Variants in CPSF3 observed in about 807,000 individuals in gnomAD.
CPSF3 encodes the protein cleavage and polyadenylation specific factor 3, also known as cleavage and polyadenylation specificity factor subunit 3.
CPSF3 carries 57 observed loss-of-function variants against 84.1 expected under a neutral mutation model. The observed-to-expected ratio is 0.68, with a 90% CI of 0.55 to 0.85. The LOEUF (loss-of-function observed/expected upper bound fraction) is 0.85. CPSF3 is among the 40% of genes least tolerant of loss of function. CPSF3 has a pLI of 0.00. For missense variants in CPSF3, 522 were observed against 838.8 expected (o/e 0.62, Z 4.66); for synonymous variants, 275 against 278.1 (o/e 0.99, Z 0.11).
chr2:9,428,294 G>A (rs187390631), intron 1 of CPSF3, among the ~76,000 whole-genome samples: 2 of 152,140 alleles, frequency 1.3e-5, no homozygotes, highest in African/African-American at 2.4e-5. Context: ...ACCGCACCCG[G>A]CCATTTAAAT....
chr2:9,431,920 A>G (rs1277297162), intron 4 of CPSF3, among the ~76,000 whole-genome samples: 2 of 152,182 alleles, frequency 1.3e-5, no homozygotes, highest in Non-Finnish European at 2.9e-5. Flanking sequence ...CATTTTATAG[A>G]TGATGAAACT....
In CPSF3 at chr2:9,456,938, G is replaced by A; in HGVS notation, c.1609G>A (p.Val537Met). Residue 537 changes from valine to methionine, a missense_variant, in exon 14 of 18, where the codon GTG becomes ATG. This residue lies in a region of CPSF3 where 193 missense variants were observed against 231.6 expected (regional missense o/e 0.83). Coordinates refer to ENST00000238112, the MANE Select transcript of CPSF3 (RefSeq NM_016207.4). ...CYQLQKLTGDVEELEIQEKPA... is the reference protein window; with the variant it reads ...CYQLQKLTGDMEELEIQEKPA... ...TAGTTATGTCTTTCTTTCAGGTGAT[G>A]TGGAAGAATTAGAAATTCAAGAAAA... 6.4e-7 allele frequency: 1 copy of A among 1,570,110 alleles called. No homozygotes were observed. The highest frequency in any genetic ancestry group is 1.2e-5 in the South Asian group (1 of 86,792).
intron 10 of CPSF3, among the ~76,000 whole-genome samples, chr2:9,446,177 TG>T (rs537540536): frequency 2.9e-4 from 44 of 152,206 alleles, no homozygotes; most frequent in Non-Finnish European, 6.2e-4. Context: ...CAATCTATCT[TG>T]GCCGGGCTGC....
rs1387811158 is a variant in CPSF3, at chr2:9,435,636, T to C, written c.610-575T>C. Among the ~76,000 whole-genome samples, 5 of 152,236 alleles carry C rather than the reference T, an allele frequency of 3.3e-5. No homozygotes were observed. In the East Asian group the frequency reaches 9.7e-4, roughly 29 times the overall value. The stretch of plus-strand genomic sequence containing the variant: ...CGGGGTTTCATCCTGTTGGTCAGAC[T>C]GGACTCCTGACCTCAGGTGATCCAC... On this transcript the variant is annotated intron_variant, in intron 6 of 17. Transcript: ENST00000238112.
At position 9,423,782 on chromosome 2, in the gene CPSF3, G is replaced by A. The variant is rs550539759; in HGVS notation, c.9G>A (p.Ala3=). Residue 3 remains alanine (A), a synonymous_variant, in exon 1 of 18, where the codon GCG becomes GCA. Coordinates refer to ENST00000238112, the MANE Select transcript of CPSF3 (RefSeq NM_016207.4). MS[A]IPAEESDQLL... is the part of the protein sequence containing the mutation. ...GCCCTCACACTTTCGGGATGTCTGC[G>A]ATTCCTGCTGAGGAGAGCGACCAGC... 3.3e-5 allele frequency: 54 copies of A among 1,613,596 alleles called. 1 individual carries two copies. The South Asian group carries it at 5.3e-4, about 16-fold the overall frequency.
intron 5 of CPSF3, among the ~76,000 whole-genome samples, chr2:9,432,900 A>T (rs1353028560): frequency 6.6e-6 from 1 of 152,172 alleles, no homozygotes; most frequent in African/African-American, 2.4e-5. Context: ...AGGAAAAAAA[A>T]ATTTTTAAAG....
intron 16 of CPSF3, among the ~76,000 whole-genome samples, chr2:9,469,167 T>C (rs1682076910): frequency 6.6e-6 from 1 of 152,242 alleles, no homozygotes; most frequent in African/African-American, 2.4e-5. Flanking sequence ...TAACTCATTT[T>C]GCAGAGGGCT....
At chr2:9,461,698 ATC>A (rs1482282841) in intron 15 of CPSF3, among the ~76,000 whole-genome samples, 1 of 146,468 alleles carries the variant, frequency 6.8e-6, no homozygotes, top group African/African-American at 2.6e-5. Flanking sequence ...TGTCTTACTT[ATC>A]TTAGGTGGTA....
chr2:9,439,712 A>C (rs928307921), intron 7 of CPSF3, among the ~76,000 whole-genome samples: 2 of 152,052 alleles, frequency 1.3e-5, no homozygotes, highest in African/African-American at 4.8e-5. Flanking sequence ...AGCATGGCTG[A>C]GTGTGGTGAC....
chr2:9,440,453 TA>T lies in CPSF3; in HGVS notation c.761-36del, dbSNP rs754674985. ...TGTTATTTGAACTGTTTACCCCATCTAACAAAGTGATGTTTGTTTCTTGCAA... is the reference window on the plus strand; with the variant it reads ...TGTTATTTGAACTGTTTACCCCATCTACAAAGTGATGTTTGTTTCTTGCAA... On this transcript the variant is annotated intron_variant, in intron 7 of 17. Coordinates refer to ENST00000238112, the MANE Select transcript of CPSF3 (RefSeq NM_016207.4). The T allele has an allele frequency of 1.3e-5, 21 of 1,571,152 alleles. No homozygotes were observed. The East Asian group carries it at 3.4e-4, about 25-fold the overall frequency.
intron 15 of CPSF3, among the ~76,000 whole-genome samples, chr2:9,461,106 C>T (rs1681712716): frequency 6.6e-6 from 1 of 152,116 alleles, no homozygotes; most frequent in African/African-American, 2.4e-5. Context: ...TCATTTGAGT[C>T]ACTGGTAAGC....
Position 9,466,210 on chromosome 2 carries a change from GCACA to G in CPSF3, c.1787-1493_1787-1490del, listed in dbSNP as rs776031803. Among the ~76,000 whole-genome samples the G allele has an allele frequency of 1.0e-3, 151 of 145,778 alleles. 1 individual carries two copies. Among genetic ancestry groups the G allele is most frequent in the Admixed American group, 1.7e-3 (25 of 14,772 alleles). ...CACACACGCGCTCACACACACACGC[GCACA>G]CACGCACGCACACACACACGTGCGC... On this transcript the variant is annotated intron_variant, in intron 15 of 17. Coordinates refer to ENST00000238112, the MANE Select transcript of CPSF3 (RefSeq NM_016207.4).
intron 16 of CPSF3, among the ~76,000 whole-genome samples, chr2:9,470,649 G>A (rs1159014179): frequency 6.6e-6 from 1 of 152,192 alleles, no homozygotes; most frequent in Non-Finnish European, 1.5e-5. Context: ...ACAGCTAGTG[G>A]GCTTGGGAGC....
rs746591102 is a variant in CPSF3 at position 9,432,656 on chromosome 2, G to A, written c.487G>A (p.Ala163Thr). The A allele has an allele frequency of 2.6e-6, 4 of 1,554,394 alleles. No homozygotes were observed. Among genetic ancestry groups the A allele is most frequent in the South Asian group, 1.2e-5 (1 of 83,008 alleles). The change falls in exon 5 of 18, where the codon GCC becomes ACC. Residue 163 changes from alanine (A) to threonine (T), a missense_variant. Physicochemically the swap from Ala to Thr is moderately conservative, Grantham distance 58 (BLOSUM62 0). Around this residue, in one of 2 missense-constraint regions of CPSF3, gnomAD observed 329 missense variants for 607.2 expected, o/e 0.54. Coordinates refer to ENST00000238112, the MANE Select transcript of CPSF3 (RefSeq NM_016207.4). ...CYHAGHVLGA[A>T]MFMIEIAGVK... ...CCATGCAGGTCACGTCCTAGGAGCC[G>A]CCATGTTCATGATTGAGATCGCAGG...
At chr2:9,454,245 T>C (rs1249486271) in intron 12 of CPSF3, among the ~76,000 whole-genome samples, 2 of 151,868 alleles carry the variant, frequency 1.3e-5, no homozygotes, top group African/African-American at 4.8e-5. Context: ...CCATCTCTAC[T>C]AAAAATACAA....
Position 9,452,067 on chromosome 2 carries a change from GCATGTAATT to G in CPSF3, c.1396-844_1396-836del, listed in dbSNP as rs1023546143. Among the ~76,000 whole-genome samples, 229 of 152,216 alleles carry G rather than the reference GCATGTAATT, an allele frequency of 1.5e-3. 1 individual carries two copies. The highest frequency in any genetic ancestry group is 0.01 in the Middle Eastern group (3 of 294). On this transcript the variant is annotated intron_variant, in intron 11 of 17. Transcript: ENST00000238112. ...AGTGGGGCTGGGTGTCATGGCTCAC[GCATGTAATT>G]CCAACACTTTGGGAGGCCGAGGTGG...
chr2:9,447,837 T>C (rs1234907921), intron 10 of CPSF3, among the ~76,000 whole-genome samples: 1 of 152,124 alleles, frequency 6.6e-6, no homozygotes, highest in African/African-American at 2.4e-5. Context: ...AGCAATAGTT[T>C]TGTACAAGAG....
chr2:9,459,638 CTTTTTTTTTTTTTTTTTTT>C lies in CPSF3; in HGVS notation c.1786+30_1786+48del, dbSNP rs543727439. ...GAAAAGGTAAGAGTTCATTTTTATCCTTTTTTTTTTTTTTTTTTTTTTTTTTTTGGAGACGGATACTAGC... is the reference window on the plus strand; with the variant it reads ...GAAAAGGTAAGAGTTCATTTTTATCCTTTTTTTTTGGAGACGGATACTAGC... On this transcript the variant is annotated intron_variant, in intron 15 of 17. Coordinates refer to ENST00000238112, the MANE Select transcript of CPSF3 (RefSeq NM_016207.4). 1.4e-4 allele frequency: 44 copies of C among 310,494 alleles called. No individual in the cohort carries two copies. Among genetic ancestry groups the C allele is most frequent in the Non-Finnish European group, 2.3e-4 (41 of 181,686 alleles). 19.2% of individuals were successfully genotyped at this position (310,494 alleles called of 1,614,324 possible).
chr2:9,428,637 T>C, intron 1 of CPSF3, 128 bp from the exon 2 acceptor site: 1 of 639,348 alleles, frequency 1.6e-6, no homozygotes, highest in Non-Finnish European at 2.8e-6. Context: ...CTCTCTTACG[T>C]CTCAGAATTT....
Sources: allele counts gnomAD v4.1 joint callset (sites outside exome capture counted in the v4.1 genomes callset), GRCh38; gene constraint gnomAD v4.1.1; regional missense constraint gnomAD v4.1.1; transcripts MANE v1.5; gene names NCBI Gene and HGNC (gene_info 2026-07-23, HGNC 2026-07-21).